Variants in ZNF248 observed in about 807,000 individuals in gnomAD.
The protein encoded by ZNF248 is KRAB protein domain.
In ZNF248, 20 loss-of-function variants were observed where a neutral mutation model predicts 44.3. That is an observed-to-expected ratio of 0.45 (90% CI 0.32 to 0.66). ZNF248 has a LOEUF of 0.66. Among genes scored for constraint, ZNF248 ranks in the 30% least tolerant of loss-of-function variants. The pLI, the probability that ZNF248 is intolerant of heterozygous loss-of-function variation, is 0.04. For missense variants in ZNF248, 654 were observed against 677.0 expected (o/e 0.97, Z 0.38); for synonymous variants, 224 against 229.0 (o/e 0.98, Z 0.20).
Position 37,830,759 on chromosome 10 carries a change from T to C in ZNF248, c.*856A>G, listed in dbSNP as rs1216031072. Reference sequence around the variant, plus strand: ...ATGTGGAGCTGGGAAGAGACAGATGTGCAGTGCACACTATTATACAGTATT... The same window carrying C: ...ATGTGGAGCTGGGAAGAGACAGATGCGCAGTGCACACTATTATACAGTATT... On this transcript the variant is annotated 3_prime_UTR_variant, in exon 6 of 6. Transcript: ENST00000395867. The C allele has an allele frequency of 4.3e-6, 1 of 234,438 alleles. No homozygotes were observed. The highest frequency in any genetic ancestry group is 7.0e-6 in the Non-Finnish European group (1 of 143,266). 14.5% of individuals were successfully genotyped at this position (234,438 alleles called of 1,614,324 possible). A position where few individuals can be genotyped will look rare whatever the true frequency, so the allele number is the denominator to read the frequency against.
chr10:37,803,720 G>T (rs140180953), intron 6 of ZNF248: 2 of 152,620 alleles, frequency 1.3e-5, no homozygotes, highest in African/African-American at 4.8e-5. Context: ...AGTAAATTTA[G>T]TTGGAACCTT....
intron 6 of ZNF248, among the ~76,000 whole-genome samples, chr10:37,788,414 A>G (rs1035986187): frequency 3.9e-5 from 6 of 152,176 alleles, no homozygotes; most frequent in Admixed American, 2.6e-4. Flanking sequence ...TGAGGTCAGG[A>G]GTTCAAGACT....
the ZNF248 span, among the ~76,000 whole-genome samples, chr10:37,770,643 A>C: frequency 6.6e-6 from 1 of 152,246 alleles, no homozygotes; most frequent in Non-Finnish European, 1.5e-5. Flanking sequence ...AAAGACTTAC[A>C]TGTTAGACCT....
At chr10:37,819,524 TG>T (rs1439014531) in intron 6 of ZNF248, 22 of 1,059,838 alleles carry the variant, frequency 2.1e-5, no homozygotes, top group Non-Finnish European at 3.1e-5. Context: ...ATCCAAAAGA[TG>T]TAACAACAAA....
At position 37,837,603 on chromosome 10, in the gene ZNF248, A is replaced by C; in HGVS notation, c.238+14T>G. 6.2e-7 allele frequency: 1 copy of C among 1,609,048 alleles called. No homozygotes were observed. On this transcript the variant is annotated intron_variant, in intron 5 of 5. Transcript: ENST00000395867. ...TTTCCTCTGGCTTTCATCTGCCAGAAATCACTAACTCACCTGGGTGGCACT... is the reference window on the plus strand; with the variant it reads ...TTTCCTCTGGCTTTCATCTGCCAGACATCACTAACTCACCTGGGTGGCACT...
In ZNF248 at chr10:37,829,374, T is replaced by C. The variant is rs1004799942; in HGVS notation, c.*2241A>G. On this transcript the variant is annotated 3_prime_UTR_variant, in exon 6 of 6. Coordinates refer to ENST00000395867, the MANE Select transcript of ZNF248 (RefSeq NM_021045.3). ...CAGTCTGCCATTAAAATATTTTTAG[T>C]TGGAGAATTCTGTTTTCCACCAGAA... The C allele has an allele frequency of 1.0e-6, 1 of 985,448 alleles. No individual in the cohort carries two copies. The highest frequency in any genetic ancestry group is 4.7e-5 in the South Asian group (1 of 21,286). 61.0% of individuals were successfully genotyped at this position (985,448 alleles called of 1,614,324 possible). A position where few individuals can be genotyped will look rare whatever the true frequency, so the allele number is the denominator to read the frequency against.
intron 6 of ZNF248, among the ~76,000 whole-genome samples, chr10:37,817,390 A>G (rs1003521242): frequency 2.0e-5 from 3 of 151,016 alleles, no homozygotes; most frequent in African/African-American, 7.3e-5. Flanking sequence ...AAAAAATAGC[A>G]CTTCAAATAA....
chr10:37,769,449 A>G, the ZNF248 span, among the ~76,000 whole-genome samples: 4 of 152,284 alleles, frequency 2.6e-5, no homozygotes, highest in East Asian at 1.9e-4. Flanking sequence ...TCATCCCTGG[A>G]ATGCAAGGCT....
chr10:37,785,720 T>G (rs915960516), intron 6 of ZNF248, among the ~76,000 whole-genome samples: 32 of 152,108 alleles, frequency 2.1e-4, no homozygotes, highest in Admixed American at 1.4e-3. Flanking sequence ...TGAAAGATGG[T>G]GATGATGGGG....
downstream of ZNF248, among the ~76,000 whole-genome samples, chr10:37,773,467 T>G (rs569951290): frequency 1.3e-5 from 2 of 152,350 alleles, no homozygotes; most frequent in South Asian, 4.1e-4. Flanking sequence ...GCAGCCGCTA[T>G]GGAAAAGAGT....
chr10:37,769,325 A>G, the ZNF248 span, among the ~76,000 whole-genome samples: 1 of 152,212 alleles, frequency 6.6e-6, no homozygotes, highest in Non-Finnish European at 1.5e-5. Flanking sequence ...ACCAAAAAAG[A>G]GAATTTTAGA....
intron 6 of ZNF248, chr10:37,803,673 G>C (rs1479663602): frequency 6.6e-6 from 1 of 152,204 alleles, no homozygotes. Context: ...TACCTCAAAA[G>C]CTACTTTATT....
chr10:37,843,253 T>C (rs916947529), intron 3 of ZNF248, among the ~76,000 whole-genome samples: 1 of 151,818 alleles, frequency 6.6e-6, no homozygotes, highest in Non-Finnish European at 1.5e-5. Context: ...ACCCCATCTC[T>C]ACTAAAAAAA....
intron 6 of ZNF248, among the ~76,000 whole-genome samples, chr10:37,801,765 G>A (rs899131597): frequency 2.0e-5 from 3 of 152,176 alleles, no homozygotes; most frequent in African/African-American, 4.8e-5. Flanking sequence ...AGCAGAGTGA[G>A]TGACAGTTTC....
intron 6 of ZNF248, chr10:37,795,605 T>C (rs140884052): frequency 6.6e-6 from 1 of 152,294 alleles, no homozygotes; most frequent in Admixed American, 6.5e-5. Context: ...AACACAGTAT[T>C]CATTATGACT....
chr10:37,812,711 G>A (rs188413559), intron 6 of ZNF248, among the ~76,000 whole-genome samples: 49 of 152,080 alleles, frequency 3.2e-4, no homozygotes, highest in African/African-American at 1.1e-3. Context: ...TGTGCCCCCA[G>A]ACAGTGTCTC....
chr10:37,828,093 C>T (rs553529774), downstream of ZNF248, among the ~76,000 whole-genome samples: 1 of 152,268 alleles, frequency 6.6e-6, no homozygotes. Flanking sequence ...AAAAGTATTT[C>T]TTTTAATAGA....
At chr10:37,778,832 A>G (rs2132838036) in intron 6 of ZNF248, among the ~76,000 whole-genome samples, 1 of 152,332 alleles carries the variant, frequency 6.6e-6, no homozygotes, top group Non-Finnish European at 1.5e-5. Context: ...TAAAGGGGAT[A>G]TCACCACTGA....
At chr10:37,767,623 C>A in the ZNF248 span, among the ~76,000 whole-genome samples, 1 of 152,046 alleles carries the variant, frequency 6.6e-6, no homozygotes, top group Non-Finnish European at 1.5e-5. Context: ...TCCTGAAAGA[C>A]GCACTAAACA....
Sources: gnomAD v4.1 joint callset for allele counts (sites outside exome capture counted in the v4.1 genomes callset) on GRCh38, gnomAD v4.1.1 for gene constraint, MANE v1.5 for transcripts, NCBI Gene and HGNC (gene_info 2026-07-23, HGNC 2026-07-21) for gene names.